The following VWA3B variants were observed in gnomAD, a reference collection of about 807,000 sequenced individuals.
VWA3B encodes von Willebrand factor A domain containing 3B.
Under a neutral mutation model 158.3 loss-of-function variants are expected in VWA3B, and 138 were observed. The observed-to-expected ratio is 0.87, with a 90% confidence interval of 0.76 to 1.00. The LOEUF is 1.00. VWA3B is among the 50% of genes least tolerant of loss of function. The pLI is 0.00. For missense variants in VWA3B, 1,555 were observed against 1,565.1 expected, an observed-to-expected ratio of 0.99 and a Z score of 0.11; for synonymous variants, 596 against 587.3, an observed-to-expected ratio of 1.01 and a Z score of -0.21.
chr2:98,156,122 C>T (rs891321343), intron 7 of VWA3B, among the ~76,000 whole-genome samples: 3 of 152,148 alleles, frequency 2.0e-5, no homozygotes, highest in African/African-American at 7.2e-5. Context: ...CTGGGAAGAC[C>T]GCACTGGAGT....
intron 12 of VWA3B, among the ~76,000 whole-genome samples, chr2:98,203,042 A>G (rs1682703070): frequency 6.6e-6 from 1 of 152,160 alleles, no homozygotes; most frequent in Admixed American, 6.5e-5. Context: ...CATGTTGGCC[A>G]GGATGTTCTC....
intron 14 of VWA3B, 129 bp from the exon 15 acceptor site, chr2:98,228,073 G>C: frequency 9.7e-7 from 1 of 1,027,740 alleles, no homozygotes; most frequent in Non-Finnish European, 1.3e-6. Context: ...AGGATCACTT[G>C]AGCCCAGGAG....
In VWA3B at chr2:98,188,113, G is replaced by A. The variant is rs1274636589; in HGVS notation, c.1450G>A (p.Ala484Thr). The change falls in exon 10 of 28, where the codon GCC becomes ACC. Residue 484 changes from alanine (A) to threonine (T), a missense_variant. Physicochemically the swap from Ala to Thr is moderately conservative, Grantham distance 58. Transcript: ENST00000477737. ...CAGTGAGAGAATCCACACAGCCCTG[G>A]CCCGGATCCGAAGGAGGTTGGTGTT... ...WYSERIHTAL[A>T]RIRRRIKWLQ... The A allele has an allele frequency of 6.2e-7, 1 of 1,612,376 alleles. No homozygotes were observed. The highest frequency in any genetic ancestry group is 1.3e-5 in the African/African-American group (1 of 74,946).
rs553171045 is a variant in VWA3B at position 98,301,038 on chromosome 2, C to T, written c.3420+822C>T. On this transcript the variant is annotated intron_variant, in intron 25 of 27. Coordinates refer to ENST00000477737, the MANE Select transcript of VWA3B (RefSeq NM_144992.5). ...AGGTGCGGTGGCTCACGCCTGTAAT[C>T]CCAGCAATTTGGGAGGCTGAGGTGG... Among the ~76,000 whole-genome samples, 3 of 152,246 alleles carry T rather than the reference C, an allele frequency of 2.0e-5. No homozygotes were observed. The East Asian group carries it at 5.8e-4, about 29-fold the overall frequency.
intron 7 of VWA3B, among the ~76,000 whole-genome samples, chr2:98,160,935 T>A (rs2105231330): frequency 6.6e-6 from 1 of 152,344 alleles, no homozygotes; most frequent in Non-Finnish European, 1.5e-5. Context: ...AGGCTAGAAC[T>A]TTGATGTCCC....
Position 98,181,042 on chromosome 2 carries a change from G to A in VWA3B, c.1141G>A (p.Ala381Thr), listed in dbSNP as rs1680528991. 1.7e-5 allele frequency: 27 copies of A among 1,614,202 alleles called. No homozygotes were observed. Among genetic ancestry groups the A allele is most frequent in the Non-Finnish European group, 2.2e-5 (26 of 1,180,032 alleles). Residue 381 changes from alanine (A) to threonine (T), a missense_variant, in exon 9 of 28, where the codon GCA (alanine) becomes ACA (threonine). Transcript: ENST00000477737. ...CESETTSVEIASNPEDTWDSK... is the reference protein window; with the variant it reads ...CESETTSVEITSNPEDTWDSK... ...GTCAGAAACAACCTCTGTTGAGATT[G>A]CATCGAATCCAGAAGACACCTGGGA...
chr2:98,313,831 A>G (rs1413397427), downstream of VWA3B, among the ~76,000 whole-genome samples: 1 of 152,174 alleles, frequency 6.6e-6, no homozygotes, highest in African/African-American at 2.4e-5. Flanking sequence ...TGCTAGTTGC[A>G]TTGGTGTTAC....
the VWA3B span, among the ~76,000 whole-genome samples, chr2:98,319,096 G>A: frequency 2.6e-5 from 4 of 152,120 alleles, no homozygotes; most frequent in African/African-American, 9.7e-5. Flanking sequence ...TATTATAAAG[G>A]TGGCATCTCA....
intron 1 of VWA3B, among the ~76,000 whole-genome samples, chr2:98,090,809 G>T (rs1682229252): frequency 4.0e-5 from 6 of 151,540 alleles, no homozygotes. Flanking sequence ...AGGCTGGAGT[G>T]CAGTGGTGCA....
rs765356456 is a variant in VWA3B at position 98,300,224 on chromosome 2, G to A, written c.3420+8G>A. On this transcript the variant is annotated splice_region_variant and intron_variant, in intron 25 of 27. Coordinates refer to ENST00000477737, the MANE Select transcript of VWA3B (RefSeq NM_144992.5). Reference sequence around the variant, plus strand: ...AAGTGTAACAACCGGAGAGTAAGTAGATTTTCATTTAGAAAAGGACTTTCT... The same window carrying A: ...AAGTGTAACAACCGGAGAGTAAGTAAATTTTCATTTAGAAAAGGACTTTCT... 6.2e-7 allele frequency: 1 copy of A among 1,613,828 alleles called. No homozygotes were observed. Among genetic ancestry groups the A allele is most frequent in the Non-Finnish European group, 8.5e-7 (1 of 1,179,912 alleles).
At chr2:98,293,880 C>T (rs1689637250) in intron 23 of VWA3B, among the ~76,000 whole-genome samples, 1 of 152,140 alleles carries the variant, frequency 6.6e-6, no homozygotes, top group South Asian at 2.1e-4. Context: ...GGACAGGTCT[C>T]AGCCCAGAAT....
At chr2:98,236,537 T>C (rs930104047) in intron 18 of VWA3B, 37 bp from the exon 19 acceptor site, 2 of 1,613,674 alleles carry the variant, frequency 1.2e-6, no homozygotes, top group Non-Finnish European at 1.7e-6. Context: ...AACCATCAAG[T>C]TGTAAATTTT....
intron 22 of VWA3B, among the ~76,000 whole-genome samples, chr2:98,289,131 G>A (rs1689339519): frequency 6.6e-6 from 1 of 152,056 alleles, no homozygotes; most frequent in Non-Finnish European, 1.5e-5. Flanking sequence ...CAAGCAAAAG[G>A]ATTTCTTTAC....
intron 3 of VWA3B, 94 bp downstream of exon 3, chr2:98,115,840 A>G: frequency 1.9e-6 from 2 of 1,056,672 alleles, no homozygotes; most frequent in Admixed American, 3.9e-5. Flanking sequence ...GCTGCTTGGC[A>G]GGGATGCAGC....
intron 16 of VWA3B, among the ~76,000 whole-genome samples, chr2:98,231,166 T>C (rs767573091): frequency 6.6e-6 from 1 of 152,226 alleles, no homozygotes; most frequent in Non-Finnish European, 1.5e-5. Flanking sequence ...ACCATGTTCA[T>C]AGGTTGAATG....
At chr2:98,223,337 G>A (rs1684662991) in intron 14 of VWA3B, among the ~76,000 whole-genome samples, 1 of 147,524 alleles carries the variant, frequency 6.8e-6, no homozygotes, top group Admixed American at 6.7e-5. Flanking sequence ...AGAGCCACGA[G>A]GACCTGTGAG....
At chr2:98,132,301 C>T (rs1675936158) in intron 6 of VWA3B, among the ~76,000 whole-genome samples, 1 of 152,242 alleles carries the variant, frequency 6.6e-6, no homozygotes, top group Admixed American at 6.5e-5. Context: ...CCTGCCTGGA[C>T]ACCCCATGGC....
chr2:98,194,426 G>T lies in VWA3B; in HGVS notation c.1671G>T (p.Arg557=), dbSNP rs1681860092. ...TTGATGGTCAAGCAGTTGCTTGGCG[G>T]GAACAACTTGCTGAAGTCAATGAAG... ...VKFDGQAVAW[R]EQLAEVNEDN... The change falls in exon 12 of 28, where the codon CGG becomes CGT. Residue 557 remains arginine (R), a synonymous_variant. Coordinates refer to ENST00000477737, the MANE Select transcript of VWA3B (RefSeq NM_144992.5). 1 of 1,613,930 alleles carries T rather than the reference G, an allele frequency of 6.2e-7. No homozygotes were observed. Among genetic ancestry groups the T allele is most frequent in the Non-Finnish European group, 8.5e-7 (1 of 1,179,980 alleles).
intron 2 of VWA3B, 77 bp downstream of exon 2, chr2:98,093,365 C>T (rs1682490488): frequency 1.4e-6 from 2 of 1,468,178 alleles, no homozygotes; most frequent in Non-Finnish European, 9.4e-7. Flanking sequence ...TCTGAAGGCC[C>T]CTCAAAAACC....
Sources: allele counts gnomAD v4.1 joint callset (sites outside exome capture counted in the v4.1 genomes callset), GRCh38; gene constraint gnomAD v4.1.1; transcripts MANE v1.5; gene names NCBI Gene and HGNC (gene_info 2026-07-23, HGNC 2026-07-21).